Variants in ASAP1 observed in about 807,000 individuals in gnomAD.
ASAP1 encodes the protein ArfGAP with SH3 domain, ankyrin repeat and PH domain 1.
ASAP1 carries 43 observed loss-of-function variants against 145.2 expected under a neutral mutation model. That is an observed-to-expected ratio of 0.30 (90% CI 0.23 to 0.38). ASAP1 has a LOEUF of 0.38. ASAP1 is among the 10% of genes least tolerant of loss of function. The pLI is 1.00. For synonymous variants in ASAP1, 546 were observed against 515.5 expected, an observed-to-expected ratio of 1.06 and a Z score of -0.80; for missense variants, 1,018 against 1,355.3, an observed-to-expected ratio of 0.75 and a Z score of 3.91.
At chr8:130,309,394 T>C (rs1823192057) in intron 3 of ASAP1, among the ~76,000 whole-genome samples, 1 of 152,018 alleles carries the variant, frequency 6.6e-6, no homozygotes. Context: ...AGAGAAGACT[T>C]TGGGTGCTAT....
At chr8:130,104,517 C>T (rs1308001042) in intron 24 of ASAP1, among the ~76,000 whole-genome samples, 1 of 152,220 alleles carries the variant, frequency 6.6e-6, no homozygotes, top group African/African-American at 2.4e-5. Context: ...AAATACAAAA[C>T]AGCCAATGGA....
At chr8:130,277,913 G>A (rs1821010671) in intron 3 of ASAP1, among the ~76,000 whole-genome samples, 1 of 152,160 alleles carries the variant, frequency 6.6e-6, no homozygotes. Flanking sequence ...AGAGTGGCAG[G>A]GAGCCTCTCG....
chr8:130,372,985 CACAG>C (rs1241610227), intron 2 of ASAP1, among the ~76,000 whole-genome samples: 10 of 150,194 alleles, frequency 6.7e-5, no homozygotes, highest in African/African-American at 2.0e-4. Flanking sequence ...CACACATACG[CACAG>C]ACATACACAG....
At chr8:130,417,867 C>T (rs375063316) in intron 1 of ASAP1, among the ~76,000 whole-genome samples, 4 of 152,218 alleles carry the variant, frequency 2.6e-5, no homozygotes, top group African/African-American at 9.7e-5. Flanking sequence ...TGCAGGAAAG[C>T]CTCGCTGTAC....
At chr8:130,209,760 T>C (rs1329786406) in intron 5 of ASAP1, among the ~76,000 whole-genome samples, 4 of 152,086 alleles carry the variant, frequency 2.6e-5, no homozygotes, top group Non-Finnish European at 5.9e-5. Context: ...GAGTTGCAAG[T>C]TGAACTAACT....
intron 2 of ASAP1, among the ~76,000 whole-genome samples, chr8:130,396,538 C>T (rs372043775): frequency 1.3e-5 from 2 of 152,234 alleles, no homozygotes; most frequent in Non-Finnish European, 2.9e-5. Flanking sequence ...AAAGGATTTT[C>T]GCAGCAGAAC....
At chr8:130,150,410 A>G (rs1045045590) in intron 13 of ASAP1, among the ~76,000 whole-genome samples, 1 of 152,208 alleles carries the variant, frequency 6.6e-6, no homozygotes, top group East Asian at 1.9e-4. Context: ...TTCATCAACT[A>G]TATGATCTCC....
chr8:130,391,681 C>T (rs531443208), intron 2 of ASAP1, among the ~76,000 whole-genome samples: 31 of 152,304 alleles, frequency 2.0e-4, no homozygotes, highest in South Asian at 6.2e-4. Context: ...GCATGGTTCC[C>T]GCCTTCAAGG....
rs1164183744 is a variant in ASAP1, at chr8:130,116,937, A to G, written c.1939T>C (p.Tyr647His). 5.6e-6 allele frequency: 9 copies of G among 1,613,970 alleles called. No homozygotes were observed. Among genetic ancestry groups the G allele is most frequent in the Non-Finnish European group, 7.6e-6 (9 of 1,179,992 alleles). The change falls in exon 21 of 30, where the codon TAC becomes CAC. Residue 647 changes from tyrosine (Y) to histidine (H), a missense_variant. This residue lies in a region of ASAP1 where 353 missense variants were observed against 375.4 expected (regional missense o/e 0.94). Transcript: ENST00000518721. ...GNTVLHYCSM[Y>H]SKPECLKLLL... is the part of the protein sequence containing the mutation. ...AGCTTCAAACACTCAGGTTTACTGT[A>G]CATACTACAGTAGTGTAGAACTGTG...
At chr8:130,254,818 A>C (rs1819411387) in intron 3 of ASAP1, among the ~76,000 whole-genome samples, 1 of 152,016 alleles carries the variant, frequency 6.6e-6, no homozygotes, top group African/African-American at 2.4e-5. Flanking sequence ...TAACTCTCTG[A>C]ATGAGTTTTT....
chr8:130,107,515 A>ATGTATGTATGT (rs1196721789), intron 24 of ASAP1, among the ~76,000 whole-genome samples: 7 of 101,778 alleles, frequency 6.9e-5, no homozygotes, highest in Admixed American at 1.0e-4. Flanking sequence ...TTTTTTAAAA[A>ATGTATGTATGT]ATGTATGTAT....
chr8:130,292,989 G>A (rs1417354528), intron 3 of ASAP1, among the ~76,000 whole-genome samples: 1 of 152,178 alleles, frequency 6.6e-6, no homozygotes, highest in Non-Finnish European at 1.5e-5. Flanking sequence ...AGCTCAGTCT[G>A]GGAAGCCACT....
intron 4 of ASAP1, among the ~76,000 whole-genome samples, chr8:130,236,112 C>T (rs12681955): frequency 0.18 from 27,529 of 152,028 alleles, 3,155 homozygotes; most frequent in East Asian, 0.44. Context: ...TCACGGCCTG[C>T]GCTCTTTCTA....
chr8:130,243,061 C>T lies in ASAP1; in HGVS notation c.187-6067G>A, dbSNP rs774860642. On this transcript the variant is annotated intron_variant, in intron 3 of 29. Transcript: ENST00000518721. ...GCTAGACGCTTCAACAGGCACCAGC[C>T]AAAGTGTGAAAACCAAATTGTGCAT... 1.1e-3 allele frequency among the ~76,000 whole-genome samples: 160 copies of T among 152,078 alleles called. 1 individual carries two copies. Among genetic ancestry groups the T allele is most frequent in the East Asian group, 1.9e-4 (1 of 5,174 alleles).
At chr8:130,433,094 A>C (rs1357851475) in intron 1 of ASAP1, among the ~76,000 whole-genome samples, 1 of 152,212 alleles carries the variant, frequency 6.6e-6, no homozygotes, top group Non-Finnish European at 1.5e-5. Flanking sequence ...CTACGAGAGG[A>C]AACTTGCTAA....
At chr8:130,125,837 C>A in intron 17 of ASAP1, 119 bp downstream of exon 17, 2 of 1,089,910 alleles carry the variant, frequency 1.8e-6, no homozygotes, top group Non-Finnish European at 2.5e-6. Context: ...CGCAAACTCA[C>A]AAAATTCAGG....
chr8:130,342,512 T>G (rs1825449347), intron 3 of ASAP1, among the ~76,000 whole-genome samples: 1 of 152,102 alleles, frequency 6.6e-6, no homozygotes, highest in Non-Finnish European at 1.5e-5. Flanking sequence ...TAGCTGCTAT[T>G]TGGCCCCCTA....
At chr8:130,197,263 T>C (rs1318008120) in intron 5 of ASAP1, among the ~76,000 whole-genome samples, 1 of 152,204 alleles carries the variant, frequency 6.6e-6, no homozygotes, top group African/African-American at 2.4e-5. Context: ...CCCTCATCTC[T>C]ACAAAAAAAT....
intron 2 of ASAP1, among the ~76,000 whole-genome samples, chr8:130,398,772 GAAGTT>G (rs1195943243): frequency 1.3e-5 from 2 of 152,194 alleles, no homozygotes; most frequent in Non-Finnish European, 2.9e-5. Context: ...GAGGCACAGA[GAAGTT>G]AAGTAGCTTT....
Sources: allele counts gnomAD v4.1 joint callset (sites outside exome capture counted in the v4.1 genomes callset), GRCh38; gene constraint gnomAD v4.1.1; regional missense constraint gnomAD v4.1.1; transcripts MANE v1.5; gene names NCBI Gene and HGNC (gene_info 2026-07-23, HGNC 2026-07-21).